The following RPS6KL1 variants were observed in gnomAD, a reference collection of about 807,000 sequenced individuals.
RPS6KL1 encodes the protein ribosomal protein S6 kinase-like 1.
A neutral mutation model predicts 57.0 loss-of-function variants in RPS6KL1; 41 were observed. The ratio of observed to expected loss-of-function variants is 0.72; its 90% CI spans 0.56 to 0.93. The LOEUF (loss-of-function observed/expected upper bound fraction) is 0.93. Ranked by LOEUF, RPS6KL1 falls within the 40% of genes least tolerant of loss-of-function variation. RPS6KL1 has a pLI of 0.00. For missense variants in RPS6KL1, 697 were observed against 727.7 expected (o/e 0.96, Z 0.49); for synonymous variants, 287 against 309.7 (o/e 0.93, Z 0.77).
At chr14:74,917,956 G>A (rs920661200) in intron 5 of RPS6KL1, among the ~76,000 whole-genome samples, 4 of 152,118 alleles carry the variant, frequency 2.6e-5, no homozygotes, top group African/African-American at 4.8e-5. Context: ...GAGTGAGCAG[G>A]GCCTCGAGGA....
At chr14:74,912,155 G>A (rs1886109176) in intron 5 of RPS6KL1, among the ~76,000 whole-genome samples, 2 of 152,100 alleles carry the variant, frequency 1.3e-5, no homozygotes, top group African/African-American at 4.8e-5. Flanking sequence ...TGTCTAATCT[G>A]TCTCCCACTG....
chr14:74,909,911 T>C lies in RPS6KL1; in HGVS notation c.902A>G (p.Glu301Gly). ...GEAPSTRPQREAEGEPTARTS... is the reference protein window; with the variant it reads ...GEAPSTRPQRGAEGEPTARTS... Reference sequence around the variant, plus strand: ...CCTGGCTGTGGGTTCACCTTCAGCCTCCCTCTGGGGTCTGGTGGATGGGGC... The same window carrying C: ...CCTGGCTGTGGGTTCACCTTCAGCCCCCCTCTGGGGTCTGGTGGATGGGGC... Residue 301 changes from glutamate (E) to glycine (G), a missense_variant, in exon 8 of 12, where the codon GAG becomes GGG. By Grantham distance (98) the Glu-to-Gly change is moderately conservative. Transcript: ENST00000557413. 6.2e-7 allele frequency: 1 copy of C among 1,614,058 alleles called. No homozygotes were observed.
At chr14:74,907,184 C>G in intron 11 of RPS6KL1, 60 bp from the exon 12 acceptor site, 3 of 1,453,374 alleles carry the variant, frequency 2.1e-6, no homozygotes, top group Non-Finnish European at 2.8e-6. Context: ...GGGTGACCTC[C>G]AGGGACTCCA....
intron 5 of RPS6KL1, among the ~76,000 whole-genome samples, chr14:74,914,357 C>T (rs1366568034): frequency 2.0e-5 from 3 of 152,230 alleles, no homozygotes; most frequent in African/African-American, 7.2e-5. Context: ...TGGGATTCCC[C>T]ACCACCTGGT....
chr14:74,911,158 C>T (rs760053588), intron 7 of RPS6KL1, 90 bp downstream of exon 7: 2 of 1,321,760 alleles, frequency 1.5e-6, no homozygotes, highest in South Asian at 2.3e-5. Context: ...AGGCGTGAGC[C>T]ACCACGCCCT....
In RPS6KL1 at chr14:74,904,050, G is replaced by A. The variant is rs1264243342; in HGVS notation, c.*2964C>T. 5.3e-5 allele frequency: 8 copies of A among 152,186 alleles called. No homozygotes were observed. The East Asian group carries it at 7.7e-4, about 15-fold the overall frequency. The allele number at this position is 152,186 out of a possible 1,614,324, so 9.4% of individuals were successfully genotyped here. Reference sequence around the variant, plus strand: ...ATCCTGAGAACATGTGTCCAGGGTCGTCTGGCTACAACTTAGTTTTATACA... The same window carrying A: ...ATCCTGAGAACATGTGTCCAGGGTCATCTGGCTACAACTTAGTTTTATACA... On this transcript the variant is annotated 3_prime_UTR_variant, in exon 12 of 12. Transcript: ENST00000557413.
At chr14:74,921,796 G>A in intron 2 of RPS6KL1, 182 bp downstream of exon 2, 1 of 381,912 alleles carries the variant, frequency 2.6e-6, no homozygotes, top group Non-Finnish European at 3.8e-6. Flanking sequence ...TTTTTTTTTT[G>A]AGTCAGAGTC....
chr14:74,918,779 T>C (rs1038675190), intron 4 of RPS6KL1, among the ~76,000 whole-genome samples, 174 bp from the exon 5 acceptor site: 15 of 152,302 alleles, frequency 9.8e-5, no homozygotes, highest in Non-Finnish European at 2.2e-4. Flanking sequence ...AGCTGGCCTT[T>C]ACCGATAGGC....
intron 10 of RPS6KL1, 85 bp from the exon 11 acceptor site, chr14:74,907,615 T>TGTC (rs1214534993): frequency 7.8e-7 from 1 of 1,281,550 alleles, no homozygotes; most frequent in Non-Finnish European, 1.1e-6. Context: ...TTTTTCCCCA[T>TGTC]GTCACAGCCC....
Position 74,906,348 on chromosome 14 carries a change from C to G in RPS6KL1, c.*666G>C. On this transcript the variant is annotated 3_prime_UTR_variant, in exon 12 of 12. Coordinates refer to ENST00000557413, the MANE Select transcript of RPS6KL1 (RefSeq NM_031464.5). ...CCCCCATTACTCTTATTTTCTTCCC[C>G]TCCCTTTTGCTCTCCCAAGTCTGAA... The G allele has an allele frequency of 2.9e-6, 1 of 347,328 alleles. No individual in the cohort carries two copies. Among genetic ancestry groups the G allele is most frequent in the Non-Finnish European group, 5.7e-6 (1 of 175,090 alleles). 21.5% of individuals were successfully genotyped at this position (347,328 alleles called of 1,614,324 possible).
chr14:74,922,108 C>G lies in RPS6KL1; in HGVS notation c.-151G>C. Reference sequence around the variant, plus strand: ...CTCTGTTTTCCTTTCCAGTCAAATTCAGTTCAGCAAACATTTCTGGAGCAT... The same window carrying G: ...CTCTGTTTTCCTTTCCAGTCAAATTGAGTTCAGCAAACATTTCTGGAGCAT... On this transcript the variant is annotated 5_prime_UTR_variant, in exon 2 of 12. The change abolishes the stop of an existing upstream ORF in the 5' untranslated region. Transcript: ENST00000557413. 1.2e-6 allele frequency: 1 copy of G among 851,992 alleles called. No homozygotes were observed. The highest frequency in any genetic ancestry group is 1.4e-6 in the Non-Finnish European group (1 of 703,554). The allele number at this position is 851,992 out of a possible 1,614,324, so 52.8% of individuals were successfully genotyped here.
Position 74,919,846 on chromosome 14 carries a change from G to T in RPS6KL1, c.389C>A (p.Ala130Glu), listed in dbSNP as rs747306131. ...TTTGGGTGGGGGGGGTCTCCTCACC[G>T]CGCTGGGGCTGGCTCCACTGCTCAG... ...RPLSSGASPS[A>E]GFSSLRLRPI... Residue 130 changes from alanine (A) to glutamate (E), a missense_variant and splice_region_variant, in exon 4 of 12, where the codon GCG becomes GAG. Transcript: ENST00000557413. 4.3e-6 allele frequency: 7 copies of T among 1,610,960 alleles called. No individual in the cohort carries two copies. Among genetic ancestry groups the T allele is most frequent in the East Asian group, 2.2e-5 (1 of 44,828 alleles).
chr14:74,912,509 G>A (rs920214907), intron 5 of RPS6KL1, among the ~76,000 whole-genome samples: 3 of 152,134 alleles, frequency 2.0e-5, no homozygotes, highest in African/African-American at 7.2e-5. Context: ...GGTCTGAGGT[G>A]TCATGGCTGG....
rs1884494439 is a variant in RPS6KL1 at position 74,904,679 on chromosome 14, T to C, written c.*2335A>G. The C allele has an allele frequency of 6.6e-6, 1 of 152,226 alleles. No individual in the cohort carries two copies. Among genetic ancestry groups the C allele is most frequent in the Non-Finnish European group, 1.5e-5 (1 of 68,052 alleles). The allele number at this position is 152,226 out of a possible 1,614,324, so 9.4% of individuals were successfully genotyped here. ...TAGACTTGCATTTTTTGTGTGGGCT[T>C]ACATTATTTCAGTGATGGATTTGGG... On this transcript the variant is annotated 3_prime_UTR_variant, in exon 12 of 12. Coordinates refer to ENST00000557413, the MANE Select transcript of RPS6KL1 (RefSeq NM_031464.5).
Position 74,909,172 on chromosome 14 carries a change from T to C in RPS6KL1, c.1289A>G (p.Tyr430Cys), listed in dbSNP as rs765368390. The C allele has an allele frequency of 6.2e-7, 1 of 1,614,000 alleles. No homozygotes were observed. Among genetic ancestry groups the C allele is most frequent in the South Asian group, 1.1e-5 (1 of 91,078 alleles). The change falls in exon 9 of 12, where the codon TAT (tyrosine) becomes TGT (cysteine). Residue 430 changes from tyrosine to cysteine, a missense_variant. Coordinates refer to ENST00000557413, the MANE Select transcript of RPS6KL1 (RefSeq NM_031464.5). Reference protein sequence around the residue: ...LDQAGHIRLTYFGQWSEVEPQ... With the variant: ...LDQAGHIRLTCFGQWSEVEPQ... ...CTCCACCTCTGACCACTGGCCAAAA[T>C]ATGTGAGCCGGATGTGACCTCCAGT...
In RPS6KL1 at chr14:74,909,984, C is replaced by T. The variant is rs148670608; in HGVS notation, c.829G>A (p.Ala277Thr). 4,598 of 1,614,044 alleles carry T rather than the reference C, an allele frequency of 2.8e-3. 45 individuals carry two copies. The highest frequency in any genetic ancestry group is 0.027 in the Middle Eastern group (161 of 6,062). ...GGAGAAGTCCTAGGAGGCTCCAGGG[C>T]GATTCTGTCCTGGCCAGGGGCATGG... ...SGHAPGQDRI[A>T]LEPPRTSPNL... The change falls in exon 8 of 12, where the codon GCC becomes ACC. Residue 277 changes from alanine (A) to threonine (T), a missense_variant. Transcript: ENST00000557413.
Position 74,909,950 on chromosome 14 carries a change from A to G in RPS6KL1, c.863T>C (p.Leu288Pro). The change falls in exon 8 of 12, where the codon CTC (leucine) becomes CCC (proline). Residue 288 changes from leucine to proline, a missense_variant. Transcript: ENST00000557413. ...GGTGGATGGGGCCTCCCCAGCTAGG[A>G]GAAGGTTCGGAGAAGTCCTAGGAGG... is the stretch of plus-strand genomic sequence containing the variant. ...LEPPRTSPNL[L>P]LAGEAPSTRP... 6.2e-7 allele frequency: 1 copy of G among 1,614,076 alleles called. No individual in the cohort carries two copies. The highest frequency in any genetic ancestry group is 8.5e-7 in the Non-Finnish European group (1 of 1,179,976).
In RPS6KL1 at chr14:74,909,134, C is replaced by T. The variant is rs371575686; in HGVS notation, c.1327G>A (p.Gly443Arg). The change falls in exon 9 of 12, where the codon GGG becomes AGG. Residue 443 changes from glycine to arginine, a missense_variant. Physicochemically the swap from Gly to Arg is moderately radical, Grantham distance 125. Transcript: ENST00000557413. ...QWSEVEPQCCGEAVDNLYSAP... is the reference protein window; with the variant it reads ...QWSEVEPQCCREAVDNLYSAP... Reference sequence around the variant, plus strand: ...CTGTAGAGATTGTCCACGGCCTCCCCGCAGCACTGGGGCTCCACCTCTGAC... The same window carrying T: ...CTGTAGAGATTGTCCACGGCCTCCCTGCAGCACTGGGGCTCCACCTCTGAC... 2.1e-5 allele frequency: 34 copies of T among 1,614,092 alleles called. No homozygotes were observed. Among genetic ancestry groups the T allele is most frequent in the South Asian group, 7.7e-5 (7 of 91,088 alleles).
rs1434762943 is a variant in RPS6KL1 at position 74,905,719 on chromosome 14, A to C, written c.*1295T>G. ...ACGTGGACCACAGAGAGTCATGTACAGGCTGCGCTTTCACTTGTCTTCTCT... is the reference window on the plus strand; with the variant it reads ...ACGTGGACCACAGAGAGTCATGTACCGGCTGCGCTTTCACTTGTCTTCTCT... On this transcript the variant is annotated 3_prime_UTR_variant, in exon 12 of 12. Transcript: ENST00000557413. The C allele has an allele frequency of 6.6e-6, 1 of 152,240 alleles. No individual in the cohort carries two copies. The highest frequency in any genetic ancestry group is 1.5e-5 in the Non-Finnish European group (1 of 68,126). 9.4% of individuals were successfully genotyped at this position (152,240 alleles called of 1,614,324 possible). A position where few individuals can be genotyped will look rare whatever the true frequency, so the allele number is the denominator to read the frequency against.
Sources: gnomAD v4.1 joint callset for allele counts (sites outside exome capture counted in the v4.1 genomes callset) on GRCh38, gnomAD v4.1.1 for gene constraint, MANE v1.5 for transcripts, NCBI Gene and HGNC (gene_info 2026-07-23, HGNC 2026-07-21) for gene names.